Variants in SRRM3 observed in about 807,000 individuals in gnomAD.
SRRM3 encodes serine/arginine repetitive matrix protein 3.
SRRM3 carries 27 observed loss-of-function variants against 66.2 expected under a neutral mutation model. The observed-to-expected ratio is 0.41, with a 90% CI of 0.30 to 0.56. The LOEUF (loss-of-function observed/expected upper bound fraction) is 0.56, where lower values mean the gene tolerates loss of function less well. Ranked by LOEUF, SRRM3 falls within the 20% of genes least tolerant of loss-of-function variation. The probability of loss-of-function intolerance (pLI) is 0.32; values close to 1 mark genes in which losing one functional copy is unlikely to be tolerated. For missense variants in SRRM3, 918 were observed against 991.9 expected (o/e 0.93, Z 1.00); for synonymous variants, 391 against 414.9 (o/e 0.94, Z 0.70).
chr7:76,229,741 CTT>C (rs869140956), intron 1 of SRRM3, among the ~76,000 whole-genome samples: 37 of 133,066 alleles, frequency 2.8e-4, no homozygotes, highest in Middle Eastern at 8.1e-3. Context: ...TCTTCTTCTT[CTT>C]TTTTTTTTTT....
chr7:76,207,731 G>T (rs1185870940), intron 1 of SRRM3, among the ~76,000 whole-genome samples: 1 of 150,782 alleles, frequency 6.6e-6, no homozygotes, highest in Non-Finnish European at 1.5e-5. Context: ...ATAAATATTA[G>T]CCAGACTTGG....
Position 76,218,112 on chromosome 7 carries a change from G to A in SRRM3, c.-40+16045G>A, listed in dbSNP as rs552155593. The stretch of plus-strand genomic sequence containing the variant: ...CTTCCTCTGCCTAGCTCCCAGGTGT[G>A]AGCCTGGAGCGGGGGTTGGGATCTG... On this transcript the variant is annotated intron_variant, in intron 1 of 14. Coordinates refer to ENST00000611745, the MANE Select transcript of SRRM3 (RefSeq NM_001110199.3). 5.8e-4 allele frequency among the ~76,000 whole-genome samples: 88 copies of A among 152,318 alleles called. 1 individual carries two copies. The South Asian group carries it at 0.018, about 31-fold the overall frequency.
intron 3 of SRRM3, among the ~76,000 whole-genome samples, chr7:76,258,520 C>A (rs567671038): frequency 8.0e-5 from 12 of 150,246 alleles, no homozygotes; most frequent in Admixed American, 3.3e-4. Context: ...CAAGACCAGC[C>A]TGGCCAGCAT....
rs1371087386 is a variant in SRRM3, at chr7:76,285,024, G to C, written c.1734-591G>C. ...GTCACAGACACTTACACGCCAGCTT[G>C]GGTGATGGGAGCTGTCCACATTTGC... On this transcript the variant is annotated intron_variant, in intron 14 of 14. Coordinates refer to ENST00000611745, the MANE Select transcript of SRRM3 (RefSeq NM_001110199.3). This position sits in a 1 kb window ranked among gnomAD's most constrained non-coding sequence, Gnocchi z 4.1. Among the ~76,000 whole-genome samples, 4 of 152,194 alleles carry C rather than the reference G, an allele frequency of 2.6e-5. No homozygotes were observed. Among genetic ancestry groups the C allele is most frequent in the Non-Finnish European group, 5.9e-5 (4 of 68,034 alleles).
chr7:76,213,959 A>G (rs1471596067), intron 1 of SRRM3, among the ~76,000 whole-genome samples: 1 of 151,856 alleles, frequency 6.6e-6, no homozygotes, highest in Non-Finnish European at 1.5e-5. Flanking sequence ...AATTTTTAGT[A>G]GAGATGGGGG....
chr7:76,209,923 T>G (rs1554601561), intron 1 of SRRM3, among the ~76,000 whole-genome samples: 1 of 152,154 alleles, frequency 6.6e-6, no homozygotes, highest in Non-Finnish European at 1.5e-5. Flanking sequence ...GGAAATTTAT[T>G]CAGAAAGCAA....
At chr7:76,205,166 G>A (rs540946384) in intron 1 of SRRM3, among the ~76,000 whole-genome samples, 12 of 152,142 alleles carry the variant, frequency 7.9e-5, no homozygotes, top group South Asian at 2.1e-4. Flanking sequence ...CTGACCCAGC[G>A]CCTCTGCAGG....
At chr7:76,264,592 G>A (rs1554609211) in intron 8 of SRRM3, among the ~76,000 whole-genome samples, 173 bp from the exon 9 acceptor site, 3 of 152,182 alleles carry the variant, frequency 2.0e-5, no homozygotes, top group Non-Finnish European at 4.4e-5. Context: ...AGCTTTGGCT[G>A]AGTGAAAGGG....
intron 3 of SRRM3, among the ~76,000 whole-genome samples, chr7:76,259,657 T>C (rs961369771): frequency 4.6e-5 from 7 of 151,660 alleles, no homozygotes; most frequent in Non-Finnish European, 8.8e-5. Flanking sequence ...AATAAGGGGC[T>C]CGGTTATCTC....
At chr7:76,284,467 C>G (rs112561168) in intron 14 of SRRM3, among the ~76,000 whole-genome samples, 4 of 152,144 alleles carry the variant, frequency 2.6e-5, no homozygotes, top group Admixed American at 1.3e-4. Flanking sequence ...CGTGAGCCCC[C>G]GCGCCCGACC....
At chr7:76,239,696 C>T (rs1258303051) in intron 2 of SRRM3, among the ~76,000 whole-genome samples, 2 of 152,028 alleles carry the variant, frequency 1.3e-5, no homozygotes, top group African/African-American at 4.8e-5. Context: ...GAGCAAGACC[C>T]CATCTAAAAA....
chr7:76,241,564 C>T (rs1233600170), intron 2 of SRRM3, among the ~76,000 whole-genome samples: 14 of 152,170 alleles, frequency 9.2e-5, no homozygotes, highest in African/African-American at 3.1e-4. Context: ...AGTGCAATGG[C>T]GCAATCTCAG....
chr7:76,277,562 G>A (rs1442724256), intron 11 of SRRM3, among the ~76,000 whole-genome samples: 2 of 151,990 alleles, frequency 1.3e-5, no homozygotes, highest in East Asian at 1.9e-4. Flanking sequence ...TTGACATGGT[G>A]GCTCACGCCT....
At chr7:76,261,028 G>A (rs1583920354) in intron 6 of SRRM3, 125 bp downstream of exon 6, 2 of 1,070,168 alleles carry the variant, frequency 1.9e-6, no homozygotes, top group Non-Finnish European at 2.7e-6. Flanking sequence ...CACTGCCAAG[G>A]TGCAAGTTTT....
chr7:76,260,972 A>G, intron 6 of SRRM3, 69 bp downstream of exon 6: 4 of 1,505,984 alleles, frequency 2.7e-6, no homozygotes, highest in Non-Finnish European at 2.7e-6. Context: ...TTCCAAGGCC[A>G]TCCCCCAGAG....
At chr7:76,263,273 C>T (rs1334704650) in intron 8 of SRRM3, among the ~76,000 whole-genome samples, 1 of 152,202 alleles carries the variant, frequency 6.6e-6, no homozygotes, top group East Asian at 1.9e-4. Flanking sequence ...AGCCTCCGGG[C>T]CTTCCCCGCA....
intron 2 of SRRM3, among the ~76,000 whole-genome samples, chr7:76,247,231 G>A (rs2117024579): frequency 6.6e-6 from 1 of 152,242 alleles, no homozygotes; most frequent in Non-Finnish European, 1.5e-5. Flanking sequence ...CTTAGGGTGG[G>A]AGAGGGAGGG....
intron 9 of SRRM3, 67 bp downstream of exon 9, chr7:76,264,882 T>C (rs1473106466): frequency 1.3e-6 from 2 of 1,536,670 alleles, no homozygotes; most frequent in Non-Finnish European, 1.8e-6. Flanking sequence ...ACTACGCCTT[T>C]TAGAATCACA....
chr7:76,211,021 G>T (rs1406557099), intron 1 of SRRM3, among the ~76,000 whole-genome samples: 3 of 152,078 alleles, frequency 2.0e-5, no homozygotes, highest in African/African-American at 7.2e-5. Flanking sequence ...AACATATTGG[G>T]TAGGCTGGTC....
Sources: allele counts gnomAD v4.1 joint callset (sites outside exome capture counted in the v4.1 genomes callset), GRCh38; gene constraint gnomAD v4.1.1; non-coding constraint Gnocchi (gnomAD v3.1); transcripts MANE v1.5; gene names NCBI Gene and HGNC (gene_info 2026-07-23, HGNC 2026-07-21).